Variants in ELAPOR2 observed in about 807,000 individuals in gnomAD.
The protein encoded by ELAPOR2 is endosome-lysosome associated apoptosis and autophagy regulator family member 2.
Under a neutral mutation model 120.7 loss-of-function variants are expected in ELAPOR2, and 89 were observed. The ratio of observed to expected loss-of-function variants is 0.74; its 90% CI spans 0.62 to 0.88. The LOEUF (loss-of-function observed/expected upper bound fraction) is 0.88, where lower values mean the gene tolerates loss of function less well. ELAPOR2 is among the 40% of genes least tolerant of loss of function. ELAPOR2 has a pLI of 0.00. For missense variants in ELAPOR2, 1,134 were observed against 1,251.6 expected, an observed-to-expected ratio of 0.91 and a Z score of 1.42; for synonymous variants, 444 against 444.9, an observed-to-expected ratio of 1.00 and a Z score of 0.03.
At position 86,909,928 on chromosome 7, in the gene ELAPOR2, TC is replaced by T. The variant is rs1789219706; in HGVS notation, c.2242del (p.Asp748IlefsTer6). 1 of 1,613,326 alleles carries T rather than the reference TC, an allele frequency of 6.2e-7. No individual in the cohort carries two copies. The highest frequency in any genetic ancestry group is 1.3e-5 in the African/African-American group (1 of 75,002). ...AAATGCCCCTACCAAATTTGTGTAA[TC>T]ATCTGACCCTGCCACTATTTCTTTT... ...TVKEIVAGSD[D>X]YTNLVGAFVC... On this transcript the variant is annotated frameshift_variant, in exon 16 of 22. Coordinates refer to ENST00000450689, the MANE Select transcript of ELAPOR2 (RefSeq NM_001142749.3). LOFTEE classifies it high-confidence loss of function.
chr7:86,952,170 A>C (rs1791282190), intron 2 of ELAPOR2, among the ~76,000 whole-genome samples: 1 of 152,208 alleles, frequency 6.6e-6, no homozygotes. Context: ...GAAAGCATTG[A>C]GTGTATTAAT....
In ELAPOR2 at chr7:86,905,934, C is replaced by T. The variant is rs139528316; in HGVS notation, c.2558+1736G>A. Among the ~76,000 whole-genome samples the T allele has an allele frequency of 7.3e-4, 111 of 152,282 alleles. 1 individual carries two copies. Among genetic ancestry groups the T allele is most frequent in the African/African-American group, 2.4e-3 (99 of 41,564 alleles). ...GAAAAATTCAGTTTCTACATGCCAT[C>T]GCTTAACTCCAGGAGACTATTTTCC... On this transcript the variant is annotated intron_variant, in intron 18 of 21. Coordinates refer to ENST00000450689, the MANE Select transcript of ELAPOR2 (RefSeq NM_001142749.3).
chr7:86,930,877 C>T (rs980306213), intron 8 of ELAPOR2, among the ~76,000 whole-genome samples: 1 of 151,926 alleles, frequency 6.6e-6, no homozygotes, highest in East Asian at 1.9e-4. Flanking sequence ...TTGAAATACC[C>T]TATTAAGGAA....
intron 1 of ELAPOR2, among the ~76,000 whole-genome samples, chr7:86,974,186 A>C (rs1477003598): frequency 1.3e-5 from 2 of 152,196 alleles, no homozygotes; most frequent in African/African-American, 4.8e-5. Flanking sequence ...TATATAAGCT[A>C]ATAAATTCTT....
chr7:86,975,672 T>C (rs962300429), intron 1 of ELAPOR2, among the ~76,000 whole-genome samples: 4 of 152,188 alleles, frequency 2.6e-5, no homozygotes, highest in Non-Finnish European at 2.9e-5. Flanking sequence ...GGACATGCTA[T>C]CTGGACAGTC....
intron 1 of ELAPOR2, among the ~76,000 whole-genome samples, chr7:87,052,098 G>A (rs1236647233): frequency 6.6e-6 from 1 of 152,226 alleles, no homozygotes; most frequent in Non-Finnish European, 1.5e-5. Context: ...ACAGTTTAGG[G>A]AATTTTAGCA....
chr7:87,017,448 G>A (rs1268748556), intron 1 of ELAPOR2, among the ~76,000 whole-genome samples: 8 of 152,066 alleles, frequency 5.3e-5, no homozygotes. Context: ...CATAATAGAT[G>A]AGTATAAAAA....
intron 1 of ELAPOR2, among the ~76,000 whole-genome samples, chr7:87,055,329 T>A (rs1389217211): frequency 2.0e-5 from 3 of 152,198 alleles, no homozygotes; most frequent in Admixed American, 6.5e-5. Context: ...GCCAATTCTA[T>A]CTAAAGCATA....
rs1374991554 is a variant in ELAPOR2 at position 86,947,653 on chromosome 7, T to A, written c.506+74A>T. The A allele has an allele frequency of 3.9e-6, 5 of 1,286,934 alleles. No individual in the cohort carries two copies. In the Admixed American group the frequency reaches 1.1e-4, roughly 29 times the overall value. The allele number at this position is 1,286,934 out of a possible 1,614,324, so 79.7% of individuals were successfully genotyped here. ...AAACAGTACCAAGATTATCCTCATC[T>A]TCTTTCTGGAAAAGAGCAACTACTT... On this transcript the variant is annotated intron_variant, in intron 3 of 21. Transcript: ENST00000450689.
chr7:86,912,841 T>C lies in ELAPOR2; in HGVS notation c.1995+100A>G, dbSNP rs527647451. The C allele has an allele frequency of 2.0e-5, 27 of 1,375,310 alleles. No individual in the cohort carries two copies. The African/African-American group carries it at 2.9e-4, about 15-fold the overall frequency. 85.2% of individuals were successfully genotyped at this position (1,375,310 alleles called of 1,614,324 possible). A position where few individuals can be genotyped will look rare whatever the true frequency, so the allele number is the denominator to read the frequency against. On this transcript the variant is annotated intron_variant, in intron 14 of 21. Coordinates refer to ENST00000450689, the MANE Select transcript of ELAPOR2 (RefSeq NM_001142749.3). ...GTAGAAAGTCTTATTTCAGAATAAA[T>C]AGCAACCTCATAGCTCCCAGAGAAA... is the stretch of plus-strand genomic sequence containing the variant.
At chr7:86,948,065 T>C in intron 2 of ELAPOR2, 143 bp from the exon 3 acceptor site, 3 of 621,320 alleles carry the variant, frequency 4.8e-6, no homozygotes, top group African/African-American at 1.8e-5. Context: ...TATCACTACA[T>C]GCATTTCACA....
intron 1 of ELAPOR2, among the ~76,000 whole-genome samples, chr7:87,035,136 G>A (rs1296344429): frequency 2.0e-5 from 3 of 151,972 alleles, no homozygotes; most frequent in African/African-American, 7.3e-5. Context: ...ATGCATCAAG[G>A]TCAAATATTT....
chr7:87,013,474 A>T (rs1468552990), intron 1 of ELAPOR2, among the ~76,000 whole-genome samples: 2 of 152,174 alleles, frequency 1.3e-5, no homozygotes, highest in African/African-American at 4.8e-5. Flanking sequence ...CTTAGGTAAC[A>T]TGAGACAGCA....
chr7:86,908,775 T>C (rs1013372998), intron 16 of ELAPOR2, among the ~76,000 whole-genome samples: 3 of 152,096 alleles, frequency 2.0e-5, no homozygotes, highest in Admixed American at 6.6e-5. Context: ...GTCTTTTCAC[T>C]TCCCTGGGTC....
chr7:86,909,009 T>C lies in ELAPOR2; in HGVS notation c.2360-466A>G, dbSNP rs543567464. 4.6e-5 allele frequency among the ~76,000 whole-genome samples: 7 copies of C among 152,118 alleles called. No homozygotes were observed. The South Asian group carries it at 1.5e-3, about 32-fold the overall frequency. On this transcript the variant is annotated intron_variant, in intron 16 of 21. Transcript: ENST00000450689. ...AATTTCCAGAAAATAACTCTGAAATTTGCTTAATCTAGTAAGCAGAAAACT... is the reference window on the plus strand; with the variant it reads ...AATTTCCAGAAAATAACTCTGAAATCTGCTTAATCTAGTAAGCAGAAAACT...
In ELAPOR2 at chr7:86,925,637, T is replaced by C; in HGVS notation, c.1290A>G (p.Ala430=). 6.2e-7 allele frequency: 1 copy of C among 1,611,846 alleles called. No homozygotes were observed. The highest frequency in any genetic ancestry group is 8.5e-7 in the Non-Finnish European group (1 of 1,178,466). ...DGTKECRPCP[A]GTEPALGFEY... Reference sequence around the variant, plus strand: ...CAAAGCCAAGTGCAGGCTCCGTTCCTGCTGGACATGGTCTACATTCTACAG... The same window carrying C: ...CAAAGCCAAGTGCAGGCTCCGTTCCCGCTGGACATGGTCTACATTCTACAG... The change falls in exon 10 of 22, where the codon GCA becomes GCG. Residue 430 remains alanine, a synonymous_variant. Coordinates refer to ENST00000450689, the MANE Select transcript of ELAPOR2 (RefSeq NM_001142749.3).
At chr7:87,030,785 A>G (rs1014705569) in intron 1 of ELAPOR2, among the ~76,000 whole-genome samples, 1 of 152,170 alleles carries the variant, frequency 6.6e-6, no homozygotes, top group Non-Finnish European at 1.5e-5. Flanking sequence ...TTCTCGTTAT[A>G]TAGTCCACCA....
intron 1 of ELAPOR2, among the ~76,000 whole-genome samples, chr7:86,997,977 T>A (rs1403120762): frequency 6.6e-6 from 1 of 152,156 alleles, no homozygotes; most frequent in Non-Finnish European, 1.5e-5. Flanking sequence ...CCAGACCCAC[T>A]CTCTGGGAGC....
At chr7:86,982,527 G>C (rs1012745694) in intron 1 of ELAPOR2, among the ~76,000 whole-genome samples, 1 of 152,248 alleles carries the variant, frequency 6.6e-6, no homozygotes, top group Non-Finnish European at 1.5e-5. Context: ...CTCCACTGGT[G>C]ATAACCAGGC....
Sources: allele counts gnomAD v4.1 joint callset (sites outside exome capture counted in the v4.1 genomes callset), GRCh38; gene constraint gnomAD v4.1.1; transcripts MANE v1.5; gene names NCBI Gene and HGNC (gene_info 2026-07-23, HGNC 2026-07-21).